RRH: variants seen among roughly 807,000 people sequenced by gnomAD.
RRH encodes visual pigment-like receptor peropsin.
In RRH, 36 loss-of-function variants were observed where a neutral mutation model predicts 33.1. That is an observed-to-expected ratio of 1.09 (90% CI 0.83 to 1.44). RRH has a LOEUF of 1.44. Ranked by LOEUF, RRH falls within the 40% of genes most tolerant of loss-of-function variation. The pLI is 0.00. For missense variants in RRH, 393 were observed against 420.2 expected, an observed-to-expected ratio of 0.94 and a Z score of 0.57; for synonymous variants, 124 against 140.2, an observed-to-expected ratio of 0.88 and a Z score of 0.82.
At chr4:109,835,671 ACGGTCCAAGCC>A in intron 3 of RRH, among the ~76,000 whole-genome samples, 1 of 152,352 alleles carries the variant, frequency 6.6e-6, no homozygotes, top group East Asian at 1.9e-4. Flanking sequence ...ACTTTGAGGT[ACGGTCCAAGCC>A]CAAAGTGAGG....
chr4:109,841,664 T>C (rs1318347025), intron 5 of RRH, among the ~76,000 whole-genome samples: 1 of 152,184 alleles, frequency 6.6e-6, no homozygotes, highest in Non-Finnish European at 1.5e-5. Flanking sequence ...TAGTTGGCTC[T>C]TTTTAACGTT....
intron 4 of RRH, 101 bp downstream of exon 4, chr4:109,836,261 G>T (rs1733883099): frequency 3.9e-6 from 5 of 1,271,114 alleles, no homozygotes; most frequent in Middle Eastern, 2.3e-4. Context: ...CATACAGAAG[G>T]TGGCGAAGCA....
intron 5 of RRH, among the ~76,000 whole-genome samples, chr4:109,839,565 T>G (rs1733949134): frequency 6.6e-6 from 1 of 152,126 alleles, no homozygotes; most frequent in Non-Finnish European, 1.5e-5. Context: ...ATCCAGGTAT[T>G]AAGCCCAGCA....
chr4:109,841,340 G>C (rs753920454), intron 5 of RRH, among the ~76,000 whole-genome samples: 1 of 152,102 alleles, frequency 6.6e-6, no homozygotes, highest in African/African-American at 2.4e-5. Context: ...GCAGCATACA[G>C]GTACCCCTCT....
chr4:109,842,367 C>T, intron 5 of RRH, 102 bp from the exon 6 acceptor site: 4 of 1,051,506 alleles, frequency 3.8e-6, no homozygotes, highest in Non-Finnish European at 5.5e-6. Flanking sequence ...AAAACATAAA[C>T]ATATTCAAAT....
chr4:109,833,448 T>C lies in RRH; in HGVS notation c.297+119T>C, dbSNP rs1211656296. The C allele has an allele frequency of 3.7e-6, 3 of 801,898 alleles. No homozygotes were observed. In the African/African-American group the frequency reaches 5.2e-5, roughly 14 times the overall value. 49.7% of individuals were successfully genotyped at this position (801,898 alleles called of 1,614,324 possible). A position where few individuals can be genotyped will look rare whatever the true frequency, so the allele number is the denominator to read the frequency against. On this transcript the variant is annotated intron_variant, in intron 2 of 6. Transcript: ENST00000317735. ...ATTGTAGAATAATAGATACAGTGCTTTTATGGAAAACAACAGAAGTGACTA... is the reference window on the plus strand; with the variant it reads ...ATTGTAGAATAATAGATACAGTGCTCTTATGGAAAACAACAGAAGTGACTA...
chr4:109,833,111 T>TG, intron 1 of RRH, 28 bp from the exon 2 acceptor site: 1 of 1,563,570 alleles, frequency 6.4e-7, no homozygotes. Context: ...TTAAACAAAA[T>TG]GCATCATATT....
In RRH at chr4:109,844,332, C is replaced by T. The variant is rs951605455; in HGVS notation, c.*135C>T. On this transcript the variant is annotated 3_prime_UTR_variant, in exon 7 of 7. Transcript: ENST00000317735. ...GAGTGTAAGCTCCTCAAGCACAGCT[C>T]GTGCTTCTGTTTGTGCACTCTGGCT... 7.8e-6 allele frequency: 5 copies of T among 640,170 alleles called. No homozygotes were observed. The highest frequency in any genetic ancestry group is 7.3e-5 in the African/African-American group (4 of 55,038). 39.7% of individuals were successfully genotyped at this position (640,170 alleles called of 1,614,324 possible).
At chr4:109,843,795 C>T (rs1734027671) in intron 6 of RRH, among the ~76,000 whole-genome samples, 1 of 152,162 alleles carries the variant, frequency 6.6e-6, no homozygotes, top group Non-Finnish European at 1.5e-5. Context: ...TGTCTTCAAT[C>T]TGTAGAATCA....
intron 5 of RRH, among the ~76,000 whole-genome samples, chr4:109,840,178 T>C (rs1733960145): frequency 6.6e-6 from 1 of 152,150 alleles, no homozygotes; most frequent in East Asian, 1.9e-4. Flanking sequence ...TATGAGATTG[T>C]ATCTCATTGT....
At chr4:109,836,381 C>G (rs1383278252) in intron 4 of RRH, among the ~76,000 whole-genome samples, 2 of 152,190 alleles carry the variant, frequency 1.3e-5, no homozygotes, top group East Asian at 3.9e-4. Flanking sequence ...TCCTTTATCC[C>G]ATTCCTTCCT....
At chr4:109,841,639 T>A (rs1216566798) in intron 5 of RRH, among the ~76,000 whole-genome samples, 1 of 152,196 alleles carries the variant, frequency 6.6e-6, no homozygotes, top group African/African-American at 2.4e-5. Context: ...TTGGTCTGTA[T>A]CTGGTTTTCC....
At chr4:109,842,909 A>G (rs1478700856) in intron 6 of RRH, among the ~76,000 whole-genome samples, 1 of 152,216 alleles carries the variant, frequency 6.6e-6, no homozygotes, top group East Asian at 1.9e-4. Flanking sequence ...TGCCAATTGC[A>G]TCTCAGATGG....
chr4:109,828,978 T>C (rs1388759923), intron 1 of RRH, among the ~76,000 whole-genome samples: 1 of 152,166 alleles, frequency 6.6e-6, no homozygotes, highest in Non-Finnish European at 1.5e-5. Flanking sequence ...TGACAGAAAC[T>C]TTTTATCTTT....
intron 5 of RRH, among the ~76,000 whole-genome samples, chr4:109,839,420 C>T (rs553857008): frequency 6.6e-6 from 1 of 152,178 alleles, no homozygotes; most frequent in Non-Finnish European, 1.5e-5. Context: ...ACATTCTACT[C>T]TCACTTTTAC....
At chr4:109,839,251 G>A (rs139331332) in intron 5 of RRH, among the ~76,000 whole-genome samples, 31 of 151,852 alleles carry the variant, frequency 2.0e-4, no homozygotes, top group African/African-American at 6.6e-4. Context: ...GTGGTTTAAT[G>A]TAGTACTTAA....
chr4:109,835,527 A>G lies in RRH; in HGVS notation c.397+62A>G, dbSNP rs111288679. On this transcript the variant is annotated intron_variant, in intron 3 of 6. Transcript: ENST00000317735. ...TTCTTGACTAATGGCCACTCAATATATATATACGCTAAAATATAAACCTAA... is the reference window on the plus strand; with the variant it reads ...TTCTTGACTAATGGCCACTCAATATGTATATACGCTAAAATATAAACCTAA... The G allele has an allele frequency of 1.5e-3, 1,647 of 1,087,288 alleles. 12 individuals are homozygous for G. The African/African-American group carries it at 0.021, about 14-fold the overall frequency. 67.4% of individuals were successfully genotyped at this position (1,087,288 alleles called of 1,614,324 possible). A position where few individuals can be genotyped will look rare whatever the true frequency, so the allele number is the denominator to read the frequency against.
intron 1 of RRH, among the ~76,000 whole-genome samples, chr4:109,829,502 A>G (rs1453423574): frequency 6.6e-6 from 1 of 151,970 alleles, no homozygotes; most frequent in Non-Finnish European, 1.5e-5. Flanking sequence ...TATTCTATTT[A>G]GTTCTTATCT....
At chr4:109,839,935 G>C (rs1242007677) in intron 5 of RRH, among the ~76,000 whole-genome samples, 1 of 152,148 alleles carries the variant, frequency 6.6e-6, no homozygotes, top group Non-Finnish European at 1.5e-5. Flanking sequence ...ACATACATGT[G>C]CATGTGTCTT....
Sources: allele counts gnomAD v4.1 joint callset (sites outside exome capture counted in the v4.1 genomes callset), GRCh38; gene constraint gnomAD v4.1.1; transcripts MANE v1.5; gene names NCBI Gene and HGNC (gene_info 2026-07-23, HGNC 2026-07-21).